Variants in CHRM4 observed in about 807,000 individuals in gnomAD.
CHRM4 encodes the protein muscarinic acetylcholine receptor M4.
In CHRM4, 5 loss-of-function variants were observed where a neutral mutation model predicts 26.3. The observed-to-expected ratio is 0.19, with a 90% confidence interval of 0.10 to 0.40. The LOEUF is 0.40. Among genes scored for constraint, CHRM4 ranks in the 10% least tolerant of loss-of-function variants. CHRM4 has a pLI of 1.00. For synonymous variants in CHRM4, 290 were observed against 285.3 expected, an observed-to-expected ratio of 1.02 and a Z score of -0.16; for missense variants, 402 against 664.5, an observed-to-expected ratio of 0.60 and a Z score of 4.34.
At position 46,386,665 on chromosome 11, in the gene CHRM4, T is replaced by G; in HGVS notation, c.-29-79A>C. 2.2e-6 allele frequency: 3 copies of G among 1,366,146 alleles called. No homozygotes were observed. The highest frequency in any genetic ancestry group is 2.0e-6 in the Non-Finnish European group (2 of 994,804). The allele number at this position is 1,366,146 out of a possible 1,614,324, so 84.6% of individuals were successfully genotyped here. ...ATCTGGAGGTACACTGGATTCAAGG[T>G]GACAGAGGGACATTCTCTGGCAGAA... On this transcript the variant is annotated intron_variant, in intron 1 of 1. Transcript: ENST00000682254. The surrounding 1 kb of genome is among the most constrained non-coding windows in gnomAD (Gnocchi z 5.8).
rs1945320608 is a variant in CHRM4, at chr11:46,385,092, G to C, written c.*26C>G. 1 of 1,565,910 alleles carries C rather than the reference G, an allele frequency of 6.4e-7. No homozygotes were observed. The highest frequency in any genetic ancestry group is 2.3e-5 in the East Asian group (1 of 43,146). ...CCCCCAGCACACGCACGCAACACCA[G>C]CACCTCCTAGGGCACTCCTGCCTGC... On this transcript the variant is annotated 3_prime_UTR_variant, in exon 2 of 2. Transcript: ENST00000682254. The surrounding 1 kb of genome is among the most constrained non-coding windows in gnomAD (Gnocchi z 6.3).
intron 1 of CHRM4, among the ~76,000 whole-genome samples, chr11:46,390,402 C>T (rs935354818): frequency 6.6e-6 from 1 of 152,264 alleles, no homozygotes; most frequent in East Asian, 1.9e-4. Context: ...TTGAGGGACA[C>T]CAGGCACGCT....
chr11:46,385,383 G>A lies in CHRM4; in HGVS notation c.1175C>T (p.Ala392Val), dbSNP rs1300432545. ...RNQVRKKRQM[A>V]ARERKVTRTI... ...TCGTGTCACTTTGCGCTCCCGGGCC[G>A]CCATCTGCCGCTTCTTGCGCACCTG... Residue 392 changes from alanine to valine, a missense_variant, in exon 2 of 2, where the codon GCG becomes GTG. Transcript: ENST00000682254. This position sits in a 1 kb window ranked among gnomAD's most constrained non-coding sequence, Gnocchi z 6.3. 6.2e-6 allele frequency: 10 copies of A among 1,609,622 alleles called. No homozygotes were observed. The highest frequency in any genetic ancestry group is 2.2e-5 in the South Asian group (2 of 91,040).
In CHRM4 at chr11:46,385,035, A is replaced by ACT. The variant is rs752822683; in HGVS notation, c.*81_*82dup. 7.1e-4 allele frequency: 1,036 copies of ACT among 1,469,078 alleles called. 2 individuals carry two copies. The highest frequency in any genetic ancestry group is 9.1e-4 in the Non-Finnish European group (1,000 of 1,104,058). The allele number at this position is 1,469,078 out of a possible 1,614,324, so 91.0% of individuals were successfully genotyped here. A position where few individuals can be genotyped will look rare whatever the true frequency, so the allele number is the denominator to read the frequency against. On this transcript the variant is annotated 3_prime_UTR_variant, in exon 2 of 2. Transcript: ENST00000682254. The surrounding 1 kb of genome is among the most constrained non-coding windows in gnomAD (Gnocchi z 6.3). Reference sequence around the variant, plus strand: ...ACGTGAACGCAGAATGGTGCCTGCAACTCTTCCCCACAGCAAGTGAGCCGT... The same window carrying ACT: ...ACGTGAACGCAGAATGGTGCCTGCAACTCTCTTCCCCACAGCAAGTGAGCCGT...
In CHRM4 at chr11:46,384,962, G is replaced by A. The variant is rs887372870; in HGVS notation, c.*156C>T. 2 of 1,185,710 alleles carry A rather than the reference G, an allele frequency of 1.7e-6. No individual in the cohort carries two copies. The highest frequency in any genetic ancestry group is 2.7e-5 in the Admixed American group (1 of 36,840). 73.4% of individuals were successfully genotyped at this position (1,185,710 alleles called of 1,614,324 possible). ...CCTCCTCAGCCTGAGCAGAGATCTG[G>A]TCTCTGAATGCAGCCACAGAGCCTC... On this transcript the variant is annotated 3_prime_UTR_variant, in exon 2 of 2. Transcript: ENST00000682254.
Position 46,386,878 on chromosome 11 carries a change from G to T in CHRM4, c.-29-292C>A, listed in dbSNP as rs1274092307. Among the ~76,000 whole-genome samples, 2 of 152,212 alleles carry T rather than the reference G, an allele frequency of 1.3e-5. No homozygotes were observed. Among genetic ancestry groups the T allele is most frequent in the South Asian group, 2.1e-4 (1 of 4,828 alleles). On this transcript the variant is annotated intron_variant, in intron 1 of 1. Coordinates refer to ENST00000682254, the MANE Select transcript of CHRM4 (RefSeq NM_000741.5). This position sits in a 1 kb window ranked among gnomAD's most constrained non-coding sequence, Gnocchi z 5.8. ...AGCCACAAAAGAAAAAAAAGGCAGG[G>T]TGATGAGAGAGTGAGTCAGAAGGCA...
At chr11:46,389,278 A>C (rs1034440770) in intron 1 of CHRM4, among the ~76,000 whole-genome samples, 1 of 152,178 alleles carries the variant, frequency 6.6e-6, no homozygotes, top group Non-Finnish European at 1.5e-5. Flanking sequence ...TAGCTTTCCC[A>C]GAAGACAAGC....
chr11:46,391,511 CCT>C lies in CHRM4; in HGVS notation c.-30+18_-30+19del, dbSNP rs1263349854. 1.3e-5 allele frequency among the ~76,000 whole-genome samples: 2 copies of C among 152,104 alleles called. No individual in the cohort carries two copies. The highest frequency in any genetic ancestry group is 2.4e-5 in the African/African-American group (1 of 41,450). ...GCTCGCCCCGGAGGGGGTCTGGCGC[CCT>C]GTCCCAGTCGAACCCACCTCTGGGG... On this transcript the variant is annotated intron_variant, in intron 1 of 1. Coordinates refer to ENST00000682254, the MANE Select transcript of CHRM4 (RefSeq NM_000741.5). The surrounding 1 kb of genome is among the most constrained non-coding windows in gnomAD (Gnocchi z 6.3).
Position 46,385,184 on chromosome 11 carries a change from G to A in CHRM4, c.1374C>T (p.Ala458=). ...GGTGCCGGAAGGTCTTTTTAAAGGT[G>A]GCGTTGCACAGAGCATAGCAGGCAG... is the stretch of plus-strand genomic sequence containing the variant. ...INPACYALCN[A]TFKKTFRHLL... is the part of the protein sequence containing the mutation. Residue 458 remains alanine, a synonymous_variant, in exon 2 of 2, where the codon GCC becomes GCT. Transcript: ENST00000682254. This position sits in a 1 kb window ranked among gnomAD's most constrained non-coding sequence, Gnocchi z 6.3. 6.2e-7 allele frequency: 1 copy of A among 1,613,998 alleles called. No individual in the cohort carries two copies. The highest frequency in any genetic ancestry group is 8.5e-7 in the Non-Finnish European group (1 of 1,179,938).
Position 46,384,657 on chromosome 11 carries a change from C to T in CHRM4, c.*461G>A, listed in dbSNP as rs1565103427. Among the ~76,000 whole-genome samples, 1 of 152,196 alleles carries T rather than the reference C, an allele frequency of 6.6e-6. No individual in the cohort carries two copies. The highest frequency in any genetic ancestry group is 1.9e-4 in the East Asian group (1 of 5,190). ...ATTTGGGGAGAGGGGGCTGAGCCTACATGCGGGGTGCAAGGGGGCAGAAAG... is the reference window on the plus strand; with the variant it reads ...ATTTGGGGAGAGGGGGCTGAGCCTATATGCGGGGTGCAAGGGGGCAGAAAG... On this transcript the variant is annotated 3_prime_UTR_variant, in exon 2 of 2. Transcript: ENST00000682254.
At chr11:46,388,269 G>A (rs919530771) in intron 1 of CHRM4, among the ~76,000 whole-genome samples, 1 of 152,244 alleles carries the variant, frequency 6.6e-6, no homozygotes, top group Non-Finnish European at 1.5e-5. Context: ...GGAGGAAGGA[G>A]CACTAACCCG....
Position 46,386,058 on chromosome 11 carries a change from G to A in CHRM4, c.500C>T (p.Ala167Val). 6.2e-7 allele frequency: 1 copy of A among 1,613,274 alleles called. No individual in the cohort carries two copies. Among genetic ancestry groups the A allele is most frequent in the Non-Finnish European group, 8.5e-7 (1 of 1,179,744 alleles). ...WVLSFVLWAP[A>V]ILFWQFVVGK... The stretch of plus-strand genomic sequence containing the variant: ...CACCACAAACTGCCAGAACAAGATG[G>A]CAGGCGCCCAGAGCACGAAGGACAG... The change falls in exon 2 of 2, where the codon GCC (alanine) becomes GTC (valine). Residue 167 changes from alanine to valine, a missense_variant. Transcript: ENST00000682254. The surrounding 1 kb of genome is among the most constrained non-coding windows in gnomAD (Gnocchi z 5.8).
chr11:46,385,753 T>C lies in CHRM4; in HGVS notation c.805A>G (p.Asn269Asp). The change falls in exon 2 of 2, where the codon AAT (asparagine) becomes GAT (aspartate). Residue 269 changes from asparagine to aspartate, a missense_variant. By Grantham distance (23) the Asn-to-Asp change is conservative (BLOSUM62 1). Around this residue, in one of 5 missense-constraint regions of CHRM4, gnomAD observed 205 missense variants for 244.0 expected, o/e 0.84. Coordinates refer to ENST00000682254, the MANE Select transcript of CHRM4 (RefSeq NM_000741.5). The surrounding 1 kb of genome is among the most constrained non-coding windows in gnomAD (Gnocchi z 6.3). Reference sequence around the variant, plus strand: ...GGGGGGGCCTCCTCCAGCTTGCCATTGCGCAGCTCCTCCCGGGCGGCCTCC... The same window carrying C: ...GGGGGGGCCTCCTCCAGCTTGCCATCGCGCAGCTCCTCCCGGGCGGCCTCC... Reference protein sequence around the residue: ...PGEAAREELRNGKLEEAPPPA... With the variant: ...PGEAAREELRDGKLEEAPPPA... The C allele has an allele frequency of 3.8e-6, 6 of 1,595,754 alleles. 1 individual carries two copies. The South Asian group carries it at 5.6e-5, about 15-fold the overall frequency.
intron 1 of CHRM4, among the ~76,000 whole-genome samples, chr11:46,388,128 C>T (rs967152706): frequency 5.9e-5 from 9 of 152,324 alleles, no homozygotes; most frequent in Admixed American, 3.3e-4. Flanking sequence ...TCCTTCACAC[C>T]CGCCAACACA....
At position 46,384,869 on chromosome 11, in the gene CHRM4, G is replaced by A. The variant is rs555986104; in HGVS notation, c.*249C>T. 1.2e-4 allele frequency among the ~76,000 whole-genome samples: 18 copies of A among 152,224 alleles called. No individual in the cohort carries two copies. Among genetic ancestry groups the A allele is most frequent in the Admixed American group, 7.2e-4 (11 of 15,288 alleles). ...AGGTGCCCACCCAGGCCAGTGCCCC[G>A]CAGCTCGCTGAAGCAGGGCCACAGA... On this transcript the variant is annotated 3_prime_UTR_variant, in exon 2 of 2. Coordinates refer to ENST00000682254, the MANE Select transcript of CHRM4 (RefSeq NM_000741.5).
rs530105925 is a variant in CHRM4 at position 46,388,310 on chromosome 11, C to T, written c.-29-1724G>A. Among the ~76,000 whole-genome samples the T allele has an allele frequency of 4.6e-5, 7 of 152,374 alleles. 1 individual carries two copies. The highest frequency in any genetic ancestry group is 2.1e-4 in the South Asian group (1 of 4,832). ...TGGGCTCTGGCTCTGTGGCCTGAGA[C>T]GATCCACTGCCCCTTCCTGCACCTC... On this transcript the variant is annotated intron_variant, in intron 1 of 1. Coordinates refer to ENST00000682254, the MANE Select transcript of CHRM4 (RefSeq NM_000741.5).
At position 46,391,193 on chromosome 11, in the gene CHRM4, G is replaced by T. The variant is rs1945388500; in HGVS notation, c.-30+338C>A. ...AGTGGGCTGGCAGCGCGGGGGCAAA[G>T]GGGTGGAGGGAGAGGGAGGGCGGGG... On this transcript the variant is annotated intron_variant, in intron 1 of 1. Coordinates refer to ENST00000682254, the MANE Select transcript of CHRM4 (RefSeq NM_000741.5). The surrounding 1 kb of genome is among the most constrained non-coding windows in gnomAD (Gnocchi z 6.3). Among the ~76,000 whole-genome samples, 1 of 151,718 alleles carries T rather than the reference G, an allele frequency of 6.6e-6. No homozygotes were observed. The highest frequency in any genetic ancestry group is 2.4e-5 in the African/African-American group (1 of 41,316).
chr11:46,390,502 A>G (rs1199320367), intron 1 of CHRM4, among the ~76,000 whole-genome samples: 1 of 152,250 alleles, frequency 6.6e-6, no homozygotes, highest in Non-Finnish European at 1.5e-5. Flanking sequence ...CACAAGGCGG[A>G]GGCCCGGACA....
Position 46,385,991 on chromosome 11 carries a change from G to A in CHRM4, c.567C>T (p.Phe189=), listed in dbSNP as rs1463711187. Residue 189 remains phenylalanine, a synonymous_variant, in exon 2 of 2, where the codon TTC becomes TTT. Transcript: ENST00000682254. This position sits in a 1 kb window ranked among gnomAD's most constrained non-coding sequence, Gnocchi z 6.3. The part of the protein sequence containing the change: ...TVPDNQCFIQ[F]LSNPAVTFGT... ...CAAAGGTCACTGCTGGGTTGGACAG[G>A]AACTGGATGAAGCACTGGTTGTCGG... 1 of 1,613,138 alleles carries A rather than the reference G, an allele frequency of 6.2e-7. No homozygotes were observed. Among genetic ancestry groups the A allele is most frequent in the Non-Finnish European group, 8.5e-7 (1 of 1,179,796 alleles).
Sources: allele counts gnomAD v4.1 joint callset (sites outside exome capture counted in the v4.1 genomes callset), GRCh38; gene constraint gnomAD v4.1.1; regional missense constraint gnomAD v4.1.1; non-coding constraint Gnocchi (gnomAD v3.1); transcripts MANE v1.5; gene names NCBI Gene and HGNC (gene_info 2026-07-23, HGNC 2026-07-21).